Variants in RPTOR observed in about 807,000 individuals in gnomAD.
The protein encoded by RPTOR is regulatory-associated protein of mTOR.
Under a neutral mutation model 169.9 loss-of-function variants are expected in RPTOR, and 21 were observed. The ratio of observed to expected loss-of-function variants is 0.12; its 90% CI spans 0.09 to 0.18. RPTOR has a LOEUF of 0.18. RPTOR is among the 10% of genes least tolerant of loss of function. RPTOR has a pLI of 1.00. For missense variants in RPTOR, 1,133 were observed against 1,855.9 expected (o/e 0.61, Z 7.16); for synonymous variants, 732 against 753.2 (o/e 0.97, Z 0.46).
Position 80,960,057 on chromosome 17 carries a change from GCTGC to G in RPTOR, c.3478-17_3478-14del, listed in dbSNP as rs772435485. On this transcript the variant is annotated splice_polypyrimidine_tract_variant and intron_variant, in intron 29 of 33. Coordinates refer to ENST00000306801, the MANE Select transcript of RPTOR (RefSeq NM_020761.3). The surrounding 1 kb of genome is among the most constrained non-coding windows in gnomAD (Gnocchi z 4.8). ...GGCTCGGTGCCCCGGTCTTCACCGG[GCTGC>G]CTGTGTTTGGCTCTAGGACATCCCT... The G allele has an allele frequency of 8.1e-6, 13 of 1,612,314 alleles. No individual in the cohort carries two copies. In the African/African-American group the frequency reaches 1.6e-4, roughly 20 times the overall value.
intron 1 of RPTOR, among the ~76,000 whole-genome samples, chr17:80,600,650 CA>C (rs2065178249): frequency 1.3e-5 from 2 of 152,126 alleles, no homozygotes; most frequent in Non-Finnish European, 2.9e-5. Context: ...TGAGGAACTG[CA>C]TGTTCCTGCA....
intron 10 of RPTOR, among the ~76,000 whole-genome samples, chr17:80,843,306 T>G (rs577032809): frequency 1.4e-4 from 21 of 152,264 alleles, no homozygotes; most frequent in Admixed American, 2.6e-4. Context: ...CTATAAAAAT[T>G]GAGGTTTTCA....
At chr17:80,597,663 T>G (rs1198106636) in intron 1 of RPTOR, among the ~76,000 whole-genome samples, 3 of 133,970 alleles carry the variant, frequency 2.2e-5, no homozygotes, top group Non-Finnish European at 3.3e-5. Flanking sequence ...GGCATGTACC[T>G]TCACACCCAG....
Position 80,823,434 on chromosome 17 carries a change from C to T in RPTOR, c.1136+211C>T, listed in dbSNP as rs2067404482. 5.3e-6 allele frequency: 3 copies of T among 561,704 alleles called. No homozygotes were observed. Among genetic ancestry groups the T allele is most frequent in the South Asian group, 5.6e-5 (2 of 35,928 alleles). The allele number at this position is 561,704 out of a possible 1,614,324, so 34.8% of individuals were successfully genotyped here. ...TCAGAGGGCAGAAGCCTTGGAGGGC[C>T]TTTTAGGACTGCACGGGAGCAGCGG... On this transcript the variant is annotated intron_variant, in intron 9 of 33. Coordinates refer to ENST00000306801, the MANE Select transcript of RPTOR (RefSeq NM_020761.3). The surrounding 1 kb of genome is among the most constrained non-coding windows in gnomAD (Gnocchi z 4.5).
At chr17:80,779,519 G>T (rs1021336161) in intron 6 of RPTOR, among the ~76,000 whole-genome samples, 4 of 152,200 alleles carry the variant, frequency 2.6e-5, no homozygotes, top group African/African-American at 9.7e-5. Context: ...ATAAGATTCC[G>T]TCGCGGTCGG....
intron 1 of RPTOR, among the ~76,000 whole-genome samples, chr17:80,585,413 C>G (rs1045869597): frequency 1.3e-5 from 2 of 152,094 alleles, no homozygotes; most frequent in Non-Finnish European, 2.9e-5. Flanking sequence ...ATCATGTTGG[C>G]CAGGCTGGTC....
intron 13 of RPTOR, among the ~76,000 whole-genome samples, chr17:80,879,595 G>A (rs1417439062): frequency 3.3e-5 from 5 of 152,014 alleles, no homozygotes; most frequent in Admixed American, 6.6e-5. Context: ...CCCTCTCCCC[G>A]CTTTCCAAGC....
intron 12 of RPTOR, among the ~76,000 whole-genome samples, chr17:80,856,842 T>G (rs2067858200): frequency 6.6e-6 from 1 of 152,232 alleles, no homozygotes; most frequent in Admixed American, 6.5e-5. Context: ...CATTGGAAAT[T>G]TGCCTAATAC....
intron 25 of RPTOR, among the ~76,000 whole-genome samples, chr17:80,941,024 G>A (rs150221875): frequency 4.6e-5 from 7 of 152,206 alleles, no homozygotes; most frequent in South Asian, 2.1e-4. Context: ...GACAGGTGTC[G>A]TTGCGCCAGG....
chr17:80,883,983 C>A lies in RPTOR; in HGVS notation c.1842+11C>A, dbSNP rs751804213. The A allele has an allele frequency of 3.6e-5, 58 of 1,602,582 alleles. No individual in the cohort carries two copies. In the South Asian group the frequency reaches 6.0e-4, roughly 16 times the overall value. On this transcript the variant is annotated intron_variant, in intron 16 of 33. Transcript: ENST00000306801. The stretch of plus-strand genomic sequence containing the variant: ...GACCCCATTCCCGAGGTGAGTCAGG[C>A]GGGGGCTCAGAGTCCAGTCCTCCTG...
Position 80,594,401 on chromosome 17 carries a change from TTTAAACG to T in RPTOR, c.163-31288_163-31282del, listed in dbSNP as rs370323091. Among the ~76,000 whole-genome samples the T allele has an allele frequency of 3.4e-4, 52 of 152,354 alleles. No individual in the cohort carries two copies. The East Asian group carries it at 9.3e-3, about 27-fold the overall frequency. ...GCCACCACGCCCGGCCGTGCAGTTC[TTTAAACG>T]TAGGAAATGACCTTTGAGTTTTGAG... On this transcript the variant is annotated intron_variant, in intron 1 of 33. Transcript: ENST00000306801.
chr17:80,890,964 A>G lies in RPTOR; in HGVS notation c.1984-756A>G, dbSNP rs1398434548. The stretch of plus-strand genomic sequence containing the variant: ...CTCTCACAGCGCTTGGCTTTCTGCT[A>G]AGAATCCGTATTTTTTCTTTTCAGA... On this transcript the variant is annotated intron_variant, in intron 17 of 33. Transcript: ENST00000306801. 6.6e-5 allele frequency among the ~76,000 whole-genome samples: 10 copies of G among 152,234 alleles called. No homozygotes were observed. The South Asian group carries it at 2.1e-3, about 32-fold the overall frequency.
intron 29 of RPTOR, among the ~76,000 whole-genome samples, chr17:80,958,582 T>A (rs1436503720): frequency 6.6e-6 from 1 of 151,666 alleles, no homozygotes; most frequent in East Asian, 1.9e-4. Context: ...AGCTAATTTT[T>A]TTTTTGTATT....
intron 3 of RPTOR, among the ~76,000 whole-genome samples, chr17:80,697,394 G>A (rs150442788): frequency 7.9e-5 from 12 of 152,368 alleles, no homozygotes; most frequent in African/African-American, 2.4e-4. Flanking sequence ...AGGACCTGCC[G>A]TCTGGTCTTT....
intron 1 of RPTOR, among the ~76,000 whole-genome samples, chr17:80,576,166 C>A (rs2064961518): frequency 6.6e-6 from 1 of 152,168 alleles, no homozygotes; most frequent in Non-Finnish European, 1.5e-5. Context: ...TGATTTTTGT[C>A]TTTCAGTTGG....
chr17:80,728,446 G>GGTGTGTGTGTGTGT (rs71367012), intron 4 of RPTOR, among the ~76,000 whole-genome samples: 3,387 of 148,240 alleles, frequency 0.023, 47 homozygotes, highest in Non-Finnish European at 0.026. Flanking sequence ...TCCACTCTGG[G>GGTGTGTGTGTGTGT]GTGTGTGTGT....
At chr17:80,787,908 C>A (rs7225755) in intron 6 of RPTOR, among the ~76,000 whole-genome samples, 71,284 of 151,938 alleles carry the variant, frequency 0.47, 18,669 homozygotes, top group East Asian at 0.61. Flanking sequence ...GGATATTGCC[C>A]CCACCTTTTT....
intron 20 of RPTOR, among the ~76,000 whole-genome samples, chr17:80,905,298 T>C (rs1276821480): frequency 6.6e-6 from 1 of 152,084 alleles, no homozygotes; most frequent in Non-Finnish European, 1.5e-5. Flanking sequence ...AAAAATTAGA[T>C]GAAAGTGGCC....
rs146046945 is a variant in RPTOR at position 80,926,517 on chromosome 17, T to C, written c.2919+1037T>C. ...ATCAGAGATGTAGATGACTTCCGTG[T>C]TGTTTCTAAGAACGAAAATTGAGAT... On this transcript the variant is annotated intron_variant, in intron 24 of 33. Transcript: ENST00000306801. Among the ~76,000 whole-genome samples the C allele has an allele frequency of 7.6e-3, 1,154 of 152,346 alleles. 22 individuals are homozygous for C. Among genetic ancestry groups the C allele is most frequent in the African/African-American group, 0.026 (1,099 of 41,568 alleles).
Sources: allele counts gnomAD v4.1 joint callset (sites outside exome capture counted in the v4.1 genomes callset), GRCh38; gene constraint gnomAD v4.1.1; non-coding constraint Gnocchi (gnomAD v3.1); transcripts MANE v1.5; gene names NCBI Gene and HGNC (gene_info 2026-07-23, HGNC 2026-07-21).